TTPAL: variants seen among roughly 807,000 people sequenced by gnomAD.
The protein encoded by TTPAL is alpha tocopherol transfer protein like.
A neutral mutation model predicts 28.7 loss-of-function variants in TTPAL; 21 were observed. That is an observed-to-expected ratio of 0.73 (90% CI 0.52 to 1.06). The LOEUF (loss-of-function observed/expected upper bound fraction) is 1.06. TTPAL is among the 50% of genes least tolerant of loss of function. TTPAL has a pLI of 0.00. For missense variants in TTPAL, 345 were observed against 425.5 expected, an observed-to-expected ratio of 0.81 and a Z score of 1.67; for synonymous variants, 169 against 171.9, an observed-to-expected ratio of 0.98 and a Z score of 0.13.
intron 4 of TTPAL, among the ~76,000 whole-genome samples, chr20:44,487,918 G>A (rs956801064): frequency 2.0e-5 from 3 of 152,198 alleles, no homozygotes; most frequent in Admixed American, 2.0e-4. Flanking sequence ...ACAGGCACGT[G>A]CCACCACGCA....
chr20:44,481,294 C>T lies in TTPAL; in HGVS notation c.445+850C>T, dbSNP rs147340015. ...GCGCAGCAGCTCATACCTGTAATCCCCGCACTTTGGGAGGGTGAGGGAGAA... is the reference window on the plus strand; with the variant it reads ...GCGCAGCAGCTCATACCTGTAATCCTCGCACTTTGGGAGGGTGAGGGAGAA... On this transcript the variant is annotated intron_variant, in intron 2 of 4. Coordinates refer to ENST00000262605, the MANE Select transcript of TTPAL (RefSeq NM_001039199.3). Among the ~76,000 whole-genome samples the T allele has an allele frequency of 1.6e-3, 242 of 152,216 alleles. 1 individual carries two copies. The highest frequency in any genetic ancestry group is 5.5e-3 in the African/African-American group (227 of 41,524).
chr20:44,478,918 T>C (rs1049648304), intron 1 of TTPAL, among the ~76,000 whole-genome samples: 16 of 152,208 alleles, frequency 1.1e-4, no homozygotes, highest in Admixed American at 8.5e-4. Context: ...GCCTCCCTAG[T>C]AGCTGGGACT....
rs753381840 is a variant in TTPAL at position 44,480,231 on chromosome 20, G to A, written c.232G>A (p.Asp78Asn). 1.9e-6 allele frequency: 3 copies of A among 1,614,034 alleles called. No individual in the cohort carries two copies. The highest frequency in any genetic ancestry group is 2.2e-5 in the East Asian group (1 of 44,892). Residue 78 changes from aspartate to asparagine, a missense_variant, in exon 2 of 5, where the codon GAT becomes AAT. Physicochemically the swap from Asp to Asn is conservative, Grantham distance 23 (BLOSUM62 1). Transcript: ENST00000262605. This position sits in a 1 kb window ranked among gnomAD's most constrained non-coding sequence, Gnocchi z 4.1. ...CCCCAACCTGAGCACATCCCTCGAC[G>A]ATGCCTTCCTGCTGCGCTTCCTCCG... ...EYPNLSTSLD[D>N]AFLLRFLRAR...
At chr20:44,485,694 C>T (rs1600792363) in intron 3 of TTPAL, 1 of 152,292 alleles carries the variant, frequency 6.6e-6, no homozygotes, top group East Asian at 1.9e-4. Context: ...TTTGATGCCT[C>T]CTCCTGAATA....
At position 44,486,598 on chromosome 20, in the gene TTPAL, T is replaced by C. The variant is rs776543748; in HGVS notation, c.642T>C (p.Asp214=). The change falls in exon 4 of 5, where the codon GAT becomes GAC. Residue 214 remains aspartate, a splice_region_variant and synonymous_variant. Transcript: ENST00000262605. ...ACCCCTTTGCCTTTCCCACACAGGA[T>C]GGTTTCCCCATTCGGATAAAAGCAG... ...IAKKVIGILQ[D]GFPIRIKAVH... is the part of the protein sequence containing the mutation. 3 of 1,600,038 alleles carry C rather than the reference T, an allele frequency of 1.9e-6. No individual in the cohort carries two copies. The African/African-American group carries it at 4.0e-5, about 21-fold the overall frequency.
intron 2 of TTPAL, among the ~76,000 whole-genome samples, chr20:44,482,919 G>A (rs138902052): frequency 0.026 from 3,896 of 152,002 alleles, 58 homozygotes; most frequent in Non-Finnish European, 0.037. Context: ...GTGCAGTGGC[G>A]CGATCTCGGC....
intron 4 of TTPAL, 89 bp from the exon 5 acceptor site, chr20:44,489,172 CAG>C: frequency 7.2e-7 from 1 of 1,390,874 alleles, no homozygotes; most frequent in Non-Finnish European, 9.8e-7. Flanking sequence ...CTTCATTCAA[CAG>C]ATATTTATTT....
At chr20:44,484,144 T>C (rs1190122570) in intron 2 of TTPAL, among the ~76,000 whole-genome samples, 193 bp from the exon 3 acceptor site, 1 of 152,212 alleles carries the variant, frequency 6.6e-6, no homozygotes, top group African/African-American at 2.4e-5. Context: ...CATCACAAAA[T>C]GTGCTGCTGT....
At chr20:44,477,854 C>T (rs2064060217) in intron 1 of TTPAL, among the ~76,000 whole-genome samples, 1 of 152,092 alleles carries the variant, frequency 6.6e-6, no homozygotes, top group Non-Finnish European at 1.5e-5. Flanking sequence ...AGGGTTTCAC[C>T]ATGTTGGCCA....
At chr20:44,476,928 A>G (rs964732076) in intron 1 of TTPAL, among the ~76,000 whole-genome samples, 1 of 152,172 alleles carries the variant, frequency 6.6e-6, no homozygotes, top group African/African-American at 2.4e-5. Flanking sequence ...GTAATTTCTA[A>G]AAAAGAAATA....
chr20:44,486,424 G>A (rs1184268472), intron 3 of TTPAL, 172 bp from the exon 4 acceptor site: 2 of 505,126 alleles, frequency 4.0e-6, no homozygotes, highest in African/African-American at 2.0e-5. Context: ...TCCCAGGAAA[G>A]ACTTTCCCTG....
chr20:44,480,302 C>T lies in TTPAL; in HGVS notation c.303C>T (p.Asn101=). ...ACCGGGCCCTGCAGCTCCTCGTCAACTACCACAGCTGTAGAAGAAGCTGGC... is the reference window on the plus strand; with the variant it reads ...ACCGGGCCCTGCAGCTCCTCGTCAATTACCACAGCTGTAGAAGAAGCTGGC... ...DYDRALQLLV[N]YHSCRRSWPE... The change falls in exon 2 of 5, where the codon AAC becomes AAT. Residue 101 remains asparagine (N), a synonymous_variant. Transcript: ENST00000262605. The surrounding 1 kb of genome is among the most constrained non-coding windows in gnomAD (Gnocchi z 4.1). 1 of 1,614,228 alleles carries T rather than the reference C, an allele frequency of 6.2e-7. No individual in the cohort carries two copies. Among genetic ancestry groups the T allele is most frequent in the African/African-American group, 1.3e-5 (1 of 75,066 alleles).
intron 3 of TTPAL, among the ~76,000 whole-genome samples, chr20:44,484,739 C>G (rs922792260): frequency 2.0e-5 from 3 of 152,224 alleles, no homozygotes; most frequent in African/African-American, 7.2e-5. Flanking sequence ...GTAGGTACTT[C>G]AGTAAGACAA....
chr20:44,478,696 G>T (rs932796219), intron 1 of TTPAL: 1 of 152,202 alleles, frequency 6.6e-6, no homozygotes, highest in Non-Finnish European at 1.5e-5. Context: ...ATTCACAAGT[G>T]TATGTGTATA....
At chr20:44,477,437 G>C (rs1466296831) in intron 1 of TTPAL, among the ~76,000 whole-genome samples, 1 of 152,072 alleles carries the variant, frequency 6.6e-6, no homozygotes, top group Non-Finnish European at 1.5e-5. Flanking sequence ...ACAGACAATT[G>C]CAACAGGGTG....
chr20:44,482,520 C>T (rs919573926), intron 2 of TTPAL, among the ~76,000 whole-genome samples: 1 of 150,614 alleles, frequency 6.6e-6, no homozygotes, highest in South Asian at 2.1e-4. Flanking sequence ...TTGCAATGAG[C>T]CGAGATCACG....
chr20:44,485,450 C>T (rs1232482212), intron 3 of TTPAL, among the ~76,000 whole-genome samples: 1 of 152,146 alleles, frequency 6.6e-6, no homozygotes, highest in East Asian at 1.9e-4. Flanking sequence ...TAGCCTGTCA[C>T]AGCTGTGACA....
At chr20:44,484,070 C>T (rs2064130218) in intron 2 of TTPAL, among the ~76,000 whole-genome samples, 1 of 152,218 alleles carries the variant, frequency 6.6e-6, no homozygotes, top group African/African-American at 2.4e-5. Flanking sequence ...ACTGGGATTA[C>T]AGGCATGAGC....
chr20:44,488,587 T>A (rs923727912), intron 4 of TTPAL, among the ~76,000 whole-genome samples: 2 of 152,040 alleles, frequency 1.3e-5, no homozygotes, highest in East Asian at 1.9e-4. Context: ...ATAGCGTGTG[T>A]GAGGTGGGAA....
Sources: gnomAD v4.1 joint callset for allele counts (sites outside exome capture counted in the v4.1 genomes callset) on GRCh38, gnomAD v4.1.1 for gene constraint, Gnocchi (gnomAD v3.1) non-coding constraint, MANE v1.5 for transcripts, NCBI Gene and HGNC (gene_info 2026-07-23, HGNC 2026-07-21) for gene names.